The following SBF2 variants were observed in gnomAD, a reference collection of about 807,000 sequenced individuals.
SBF2 encodes the protein SET binding factor 2.
SBF2 carries 112 observed loss-of-function variants against 225.2 expected under a neutral mutation model. That is an observed-to-expected ratio of 0.50 (90% confidence interval 0.43 to 0.58). The LOEUF is 0.58. Ranked by LOEUF, SBF2 falls within the 20% of genes least tolerant of loss-of-function variation. SBF2 has a pLI of 0.00. For synonymous variants in SBF2, 763 were observed against 773.3 expected, an observed-to-expected ratio of 0.99 and a Z score of 0.22; for missense variants, 1,996 against 2,206.2, an observed-to-expected ratio of 0.90 and a Z score of 1.91.
intron 16 of SBF2, chr11:9,957,527 T>G (rs918528077): frequency 1.3e-5 from 2 of 152,188 alleles, no homozygotes; most frequent in Non-Finnish European, 2.9e-5. Flanking sequence ...TGGCATGATC[T>G]CGGCTCATTG....
intron 2 of SBF2, among the ~76,000 whole-genome samples, chr11:10,111,750 G>A (rs916234751): frequency 4.6e-5 from 7 of 152,192 alleles, no homozygotes; most frequent in Admixed American, 2.6e-4. Context: ...GGTGGCGCAC[G>A]CCTGTAATCC....
intron 13 of SBF2, among the ~76,000 whole-genome samples, chr11:9,982,479 A>G (rs1205990591): frequency 1.3e-5 from 2 of 152,234 alleles, no homozygotes; most frequent in African/African-American, 4.8e-5. Flanking sequence ...ATCCAGAGCA[A>G]AAAAACTATC....
chr11:10,011,187 TC>T (rs1948442544), intron 6 of SBF2, among the ~76,000 whole-genome samples: 1 of 152,182 alleles, frequency 6.6e-6, no homozygotes, highest in Non-Finnish European at 1.5e-5. Context: ...TATTAACTAG[TC>T]TCTTTTTCCT....
chr11:9,876,142 T>G (rs1390957464), intron 17 of SBF2, among the ~76,000 whole-genome samples: 2 of 152,182 alleles, frequency 1.3e-5, no homozygotes, highest in African/African-American at 4.8e-5. Context: ...CCTGTAGGTG[T>G]ATCCCACAGT....
intron 2 of SBF2, among the ~76,000 whole-genome samples, chr11:10,134,351 A>G (rs907659195): frequency 6.6e-6 from 1 of 152,010 alleles, no homozygotes; most frequent in Non-Finnish European, 1.5e-5. Context: ...CAGCCAAACC[A>G]TATCATTCTG....
At chr11:9,829,703 C>T (rs1590172643) in intron 27 of SBF2, 2 of 538,686 alleles carry the variant, frequency 3.7e-6, no homozygotes, top group South Asian at 4.1e-5. Context: ...GGTTTTACCA[C>T]ACCTACTTCT....
At chr11:10,157,606 A>G (rs1050739089) in intron 2 of SBF2, among the ~76,000 whole-genome samples, 4 of 152,166 alleles carry the variant, frequency 2.6e-5, no homozygotes, top group African/African-American at 7.2e-5. Context: ...GGGACCTTCT[A>G]GTTGCAAGAA....
chr11:10,154,069 T>C (rs1359113324), intron 2 of SBF2, among the ~76,000 whole-genome samples: 1 of 152,118 alleles, frequency 6.6e-6, no homozygotes, highest in Non-Finnish European at 1.5e-5. Context: ...TAAACTATTT[T>C]AATCATTACA....
At chr11:10,213,561 T>C (rs1397450567) in intron 1 of SBF2, among the ~76,000 whole-genome samples, 1 of 152,226 alleles carries the variant, frequency 6.6e-6, no homozygotes, top group Non-Finnish European at 1.5e-5. Context: ...AGTAAAATTC[T>C]TGCAATTCTT....
chr11:9,831,416 G>A (rs1158388936), intron 27 of SBF2, among the ~76,000 whole-genome samples: 1 of 152,222 alleles, frequency 6.6e-6, no homozygotes, highest in African/African-American at 2.4e-5. Context: ...CAAGGCAGGT[G>A]GAAGGCTGCC....
At chr11:10,187,404 T>C (rs938415958) in intron 2 of SBF2, among the ~76,000 whole-genome samples, 4 of 152,100 alleles carry the variant, frequency 2.6e-5, no homozygotes, top group African/African-American at 9.7e-5. Context: ...TGGCACCTTT[T>C]ACAACTTTTC....
chr11:10,065,459 T>A (rs1486319046), intron 2 of SBF2, among the ~76,000 whole-genome samples: 1 of 151,858 alleles, frequency 6.6e-6, no homozygotes, highest in Non-Finnish European at 1.5e-5. Flanking sequence ...AAAAATCAAC[T>A]AAAGCAAAAG....
At chr11:10,129,394 C>T (rs549261655) in intron 2 of SBF2, among the ~76,000 whole-genome samples, 87 of 152,212 alleles carry the variant, frequency 5.7e-4, no homozygotes, top group African/African-American at 1.8e-3. Flanking sequence ...TGAGCCACCG[C>T]GCCCGGCCAA....
chr11:9,853,775 G>C lies in SBF2; in HGVS notation c.2364-63C>G. On this transcript the variant is annotated intron_variant, in intron 19 of 39. Coordinates refer to ENST00000256190, the MANE Select transcript of SBF2 (RefSeq NM_030962.4). ...AAATGCAACAAATGACTACTATATA[G>C]TAGTCAATTTACATAGCGACAGAAA... 2.8e-6 allele frequency: 4 copies of C among 1,453,862 alleles called. No individual in the cohort carries two copies. The South Asian group carries it at 3.4e-5, about 12-fold the overall frequency. 90.1% of individuals were successfully genotyped at this position (1,453,862 alleles called of 1,614,324 possible). A position where few individuals can be genotyped will look rare whatever the true frequency, so the allele number is the denominator to read the frequency against.
Position 10,138,652 on chromosome 11 carries a change from T to G in SBF2, c.141+55250A>C, listed in dbSNP as rs185150475. ...TTAGCTGAATCTCAGAATTTTGATA[T>G]GTTGTACTTCCATTCAATGTATTTT... On this transcript the variant is annotated intron_variant, in intron 2 of 39. Transcript: ENST00000256190. 3.3e-5 allele frequency among the ~76,000 whole-genome samples: 5 copies of G among 152,280 alleles called. No individual in the cohort carries two copies. The East Asian group carries it at 7.7e-4, about 23-fold the overall frequency.
intron 2 of SBF2, among the ~76,000 whole-genome samples, chr11:10,162,991 G>A (rs184192491): frequency 6.6e-6 from 1 of 151,670 alleles, no homozygotes; most frequent in Non-Finnish European, 1.5e-5. Context: ...CTTCCTATAT[G>A]TTTCATGAAA....
intron 35 of SBF2, 81 bp downstream of exon 35, chr11:9,789,028 G>T: frequency 1.7e-6 from 2 of 1,184,288 alleles, no homozygotes; most frequent in Non-Finnish European, 1.3e-6. Context: ...GCCATGTTCA[G>T]AAGTTACTTA....
At chr11:9,911,196 G>A (rs573234317) in intron 16 of SBF2, among the ~76,000 whole-genome samples, 16 of 151,688 alleles carry the variant, frequency 1.1e-4, no homozygotes, top group African/African-American at 2.9e-4. Flanking sequence ...GTGAAACCCC[G>A]TCTCTACTAA....
At chr11:10,009,062 A>G (rs1948328289) in intron 6 of SBF2, among the ~76,000 whole-genome samples, 1 of 152,096 alleles carries the variant, frequency 6.6e-6, no homozygotes, top group Non-Finnish European at 1.5e-5. Context: ...TTGGGTAGAG[A>G]TATTTTATTT....
Sources: allele counts gnomAD v4.1 joint callset (sites outside exome capture counted in the v4.1 genomes callset), GRCh38; gene constraint gnomAD v4.1.1; transcripts MANE v1.5; gene names NCBI Gene and HGNC (gene_info 2026-07-23, HGNC 2026-07-21).